The following RELL1 variants were observed in gnomAD, a reference collection of about 807,000 sequenced individuals.
RELL1 encodes RELT-like protein 1.
Under a neutral mutation model 23.0 loss-of-function variants are expected in RELL1, and 10 were observed. The observed-to-expected ratio is 0.43, with a 90% CI of 0.27 to 0.74. The LOEUF is 0.74. Ranked by LOEUF, RELL1 falls within the 30% of genes least tolerant of loss-of-function variation. RELL1 has a pLI of 0.19. For synonymous variants in RELL1, 146 were observed against 146.8 expected (o/e 0.99, Z 0.04); for missense variants, 315 against 364.4 (o/e 0.86, Z 1.10).
intron 6 of RELL1, among the ~76,000 whole-genome samples, chr4:37,602,221 C>CAAAA (rs11410477): frequency 3.1e-5 from 3 of 96,686 alleles, no homozygotes; most frequent in Admixed American, 1.1e-4. Context: ...TGTCTCAAAC[C>CAAAA]AAAAAAAAAA....
intron 1 of RELL1, among the ~76,000 whole-genome samples, chr4:37,678,781 C>T (rs945788404): frequency 1.3e-5 from 2 of 152,240 alleles, no homozygotes; most frequent in African/African-American, 4.8e-5. Flanking sequence ...TATGAGGCAG[C>T]TCAGCCATAT....
intron 1 of RELL1, among the ~76,000 whole-genome samples, chr4:37,668,883 T>C (rs1163799147): frequency 1.3e-5 from 2 of 149,050 alleles, no homozygotes; most frequent in African/African-American, 5.1e-5. Context: ...GTCCGGGATG[T>C]GAGGAGCGTC....
At chr4:37,673,896 C>T (rs1721929624) in intron 1 of RELL1, among the ~76,000 whole-genome samples, 1 of 152,230 alleles carries the variant, frequency 6.6e-6, no homozygotes, top group African/African-American at 2.4e-5. Context: ...CCTCATCTCA[C>T]ATGACTTCCA....
intron 1 of RELL1, among the ~76,000 whole-genome samples, chr4:37,652,991 A>T (rs920966321): frequency 6.6e-6 from 1 of 152,160 alleles, no homozygotes; most frequent in African/African-American, 2.4e-5. Flanking sequence ...TGTTAAAAGG[A>T]TCAAAATGAG....
rs566205790 is a variant in RELL1, at chr4:37,596,004, T to C, written c.*4-4787A>G. On this transcript the variant is annotated intron_variant, in intron 6 of 6. Coordinates refer to the RELL1 transcript ENST00000314117. Reference sequence around the variant, plus strand: ...GCTCCTAGTGATGGGGGAAAAAAGGTGCGCCCAGGGTTGACCCTTCAGTAA... The same window carrying C: ...GCTCCTAGTGATGGGGGAAAAAAGGCGCGCCCAGGGTTGACCCTTCAGTAA... Among the ~76,000 whole-genome samples, 6 of 152,240 alleles carry C rather than the reference T, an allele frequency of 3.9e-5. No homozygotes were observed. In the South Asian group the frequency reaches 6.2e-4, roughly 16 times the overall value.
intron 1 of RELL1, among the ~76,000 whole-genome samples, chr4:37,685,400 C>A (rs1722368159): frequency 6.6e-6 from 1 of 151,944 alleles, no homozygotes; most frequent in Non-Finnish European, 1.5e-5. Flanking sequence ...GTAAGGAATC[C>A]CTAGTGTCTG....
At chr4:37,632,877 A>G (rs963864518) in intron 5 of RELL1, among the ~76,000 whole-genome samples, 1 of 152,194 alleles carries the variant, frequency 6.6e-6, no homozygotes, top group African/African-American at 2.4e-5. Context: ...TTCTGGTCTT[A>G]ATTTCCCTTA....
chr4:37,638,606 T>C, intron 3 of RELL1, 102 bp from the exon 4 acceptor site: 1 of 887,846 alleles, frequency 1.1e-6, no homozygotes, highest in Non-Finnish European at 1.7e-6. Flanking sequence ...ATTCTTTCAG[T>C]TCATAGATGA....
chr4:37,673,684 T>A (rs1193073346), intron 1 of RELL1, among the ~76,000 whole-genome samples: 1 of 152,150 alleles, frequency 6.6e-6, no homozygotes, highest in Non-Finnish European at 1.5e-5. Context: ...CACCTACACT[T>A]CTGCAGATAA....
In RELL1 at chr4:37,650,827, A is replaced by AG. The variant is rs369059971; in HGVS notation, c.89-1328dup. 7.1e-3 allele frequency among the ~76,000 whole-genome samples: 607 copies of AG among 86,086 alleles called. 3 individuals carry two copies. Among genetic ancestry groups the AG allele is most frequent in the African/African-American group, 0.026 (576 of 22,160 alleles). 56.5% of individuals were successfully genotyped at this position (86,086 alleles called of 152,430 possible). On this transcript the variant is annotated intron_variant, in intron 1 of 6. Coordinates refer to ENST00000454158, the MANE Select transcript of RELL1 (RefSeq NM_001085400.2). ...TTGGGAGGCTGAAGGGGGTGGGGGG[A>AG]GGGGGCGAATCACTTGAGGTCAGGA...
At chr4:37,649,964 C>T (rs1042588225) in intron 1 of RELL1, among the ~76,000 whole-genome samples, 12 of 152,224 alleles carry the variant, frequency 7.9e-5, no homozygotes, top group Non-Finnish European at 1.5e-4. Flanking sequence ...TTCCCAGCTC[C>T]ACCATTTAGC....
In RELL1 at chr4:37,626,941, A is replaced by G. The variant is rs147506803; in HGVS notation, c.*3+4444T>C. ...GTTAGAGGGGATAAATAATTTCAAG[A>G]GATCTATTGTACAACATGGTGACTG... On this transcript the variant is annotated intron_variant, in intron 6 of 6. Transcript: ENST00000454158. Among the ~76,000 whole-genome samples the G allele has an allele frequency of 4.6e-5, 7 of 152,260 alleles. No individual in the cohort carries two copies. In the East Asian group the frequency reaches 1.3e-3, roughly 29 times the overall value.
intron 6 of RELL1, among the ~76,000 whole-genome samples, chr4:37,615,884 C>T (rs148426264): frequency 1.3e-5 from 2 of 152,002 alleles, no homozygotes; most frequent in African/African-American, 4.8e-5. Context: ...AAGCCATAAT[C>T]CTCTCATTAT....
At chr4:37,606,016 GAGAA>G (rs572994749), downstream of RELL1, among the ~76,000 whole-genome samples, 313 of 135,586 alleles carry the variant, frequency 2.3e-3, 7 homozygotes, top group South Asian at 0.022. This position sits in a 1 kb window ranked among gnomAD's most constrained non-coding sequence, Gnocchi z 4.1. Context: ...AAAGGAGGAA[GAGAA>G]AGAGAAGGAA....
chr4:37,622,943 T>TA (rs1719820772), intron 6 of RELL1: 1 of 402,092 alleles, frequency 2.5e-6, no homozygotes, highest in African/African-American at 2.1e-5. Flanking sequence ...TAGCTGGGAC[T>TA]ACAGGTGCCC....
intron 1 of RELL1, among the ~76,000 whole-genome samples, chr4:37,657,698 A>G (rs933182835): frequency 9.2e-5 from 14 of 152,112 alleles, no homozygotes; most frequent in African/African-American, 3.1e-4. Flanking sequence ...AGATTTTGGG[A>G]GGGCAAGGTG....
downstream of RELL1, chr4:37,590,144 G>A: frequency 1.2e-6 from 2 of 1,614,172 alleles, no homozygotes; most frequent in Non-Finnish European, 8.5e-7. Flanking sequence ...GAAGTCAACA[G>A]CTGCAAGCTA....
chr4:37,629,232 G>A (rs1720046879), intron 6 of RELL1, among the ~76,000 whole-genome samples: 1 of 152,070 alleles, frequency 6.6e-6, no homozygotes, highest in African/African-American at 2.4e-5. Flanking sequence ...AAGCTGGCTG[G>A]GCCTTCCTCA....
At chr4:37,622,313 A>G (rs1169110952) in intron 6 of RELL1, among the ~76,000 whole-genome samples, 1 of 152,264 alleles carries the variant, frequency 6.6e-6, no homozygotes, top group Non-Finnish European at 1.5e-5. Context: ...GCACAGCATA[A>G]TCCTGAAAGG....
Sources: allele counts gnomAD v4.1 joint callset (sites outside exome capture counted in the v4.1 genomes callset), GRCh38; gene constraint gnomAD v4.1.1; non-coding constraint Gnocchi (gnomAD v3.1); transcripts MANE v1.5; gene names NCBI Gene and HGNC (gene_info 2026-07-23, HGNC 2026-07-21).